The following GDAP1 variants were observed in gnomAD, a reference collection of about 807,000 sequenced individuals.
GDAP1 encodes ganglioside induced differentiation associated protein 1, also known as ganglioside-induced differentiation-associated protein 1.
A neutral mutation model predicts 40.1 loss-of-function variants in GDAP1; 34 were observed. That is an observed-to-expected ratio of 0.85 (90% confidence interval 0.64 to 1.13). GDAP1 has a LOEUF of 1.13. Among genes scored for constraint, GDAP1 ranks in the 50% most tolerant of loss-of-function variants. The pLI, the probability that GDAP1 is intolerant of heterozygous loss-of-function variation, is 0.00. For synonymous variants in GDAP1, 170 were observed against 157.4 expected (o/e 1.08, Z -0.60); for missense variants, 374 against 433.7 (o/e 0.86, Z 1.22).
chr8:74,451,293 T>C lies in GDAP1; in HGVS notation c.166-37385T>C, dbSNP rs2131576834. 2.5e-5 allele frequency among the ~76,000 whole-genome samples: 2 copies of C among 80,978 alleles called. 1 individual carries two copies. Among genetic ancestry groups the C allele is most frequent in the Admixed American group, 2.5e-4 (2 of 7,980 alleles). The allele number at this position is 80,978 out of a possible 152,430, so 53.1% of individuals were successfully genotyped here. A position where few individuals can be genotyped will look rare whatever the true frequency, so the allele number is the denominator to read the frequency against. On this transcript the variant is annotated intron_variant, in intron 2 of 2. Coordinates refer to the GDAP1 transcript ENST00000523640. The stretch of plus-strand genomic sequence containing the variant: ...GGTGAAACCCTGTCTCTACTAAACA[T>C]ACAAAAATTAGCCGGGCATGGTGAT...
chr8:74,415,987 GC>G (rs1805773046), intron 2 of GDAP1, among the ~76,000 whole-genome samples: 2 of 149,896 alleles, frequency 1.3e-5, no homozygotes, highest in South Asian at 4.1e-4. Flanking sequence ...TGGCTGGAAA[GC>G]AGTGGTTTCT....
intron 2 of GDAP1, among the ~76,000 whole-genome samples, chr8:74,405,906 G>A (rs1805631319): frequency 6.7e-6 from 1 of 149,908 alleles, no homozygotes; most frequent in Non-Finnish European, 1.5e-5. Context: ...GGGAGATGTT[G>A]GGGTACGGAA....
intron 2 of GDAP1, among the ~76,000 whole-genome samples, chr8:74,440,649 T>C (rs1339473225): frequency 6.6e-6 from 1 of 152,006 alleles, no homozygotes; most frequent in Non-Finnish European, 1.5e-5. Flanking sequence ...TGTAAAACTA[T>C]GTTTGTTACA....
chr8:74,360,043 T>C, intron 2 of GDAP1, 94 bp from the exon 3 acceptor site: 1 of 850,926 alleles, frequency 1.2e-6, no homozygotes, highest in South Asian at 1.4e-5. Flanking sequence ...ATGTTGAAAA[T>C]GTTAATGATG....
intron 2 of GDAP1, among the ~76,000 whole-genome samples, chr8:74,404,979 T>C (rs886524254): frequency 2.0e-5 from 3 of 150,072 alleles, no homozygotes; most frequent in Non-Finnish European, 2.9e-5. Context: ...TAATACCTAA[T>C]ACAATGTAAA....
intron 2 of GDAP1, among the ~76,000 whole-genome samples, chr8:74,427,806 T>C (rs1176592190): frequency 6.6e-6 from 1 of 152,228 alleles, no homozygotes; most frequent in Non-Finnish European, 1.5e-5. Context: ...TGTACTTTTC[T>C]CTCCACAATC....
intron 2 of GDAP1, among the ~76,000 whole-genome samples, chr8:74,387,650 G>A (rs769847712): frequency 5.3e-5 from 8 of 152,146 alleles, no homozygotes; most frequent in South Asian, 4.1e-4. Flanking sequence ...TTCTTTTTTC[G>A]TTGTGTCTCT....
intron 2 of GDAP1, among the ~76,000 whole-genome samples, chr8:74,394,809 G>A (rs547799171): frequency 6.6e-6 from 1 of 152,236 alleles, no homozygotes; most frequent in African/African-American, 2.4e-5. Flanking sequence ...AAGAAACAGG[G>A]ACCTGGAAAT....
Position 74,361,827 on chromosome 8 carries a change from T to A in GDAP1, c.485-57T>A, listed in dbSNP as rs116975351. 9,313 of 944,036 alleles carry A rather than the reference T, an allele frequency of 9.9e-3. 64 individuals carry two copies. Among genetic ancestry groups the A allele is most frequent in the Middle Eastern group, 0.013 (62 of 4,798 alleles). The allele number at this position is 944,036 out of a possible 1,614,324, so 58.5% of individuals were successfully genotyped here. A position where few individuals can be genotyped will look rare whatever the true frequency, so the allele number is the denominator to read the frequency against. On this transcript the variant is annotated intron_variant, in intron 3 of 5. Coordinates refer to ENST00000220822, the MANE Select transcript of GDAP1 (RefSeq NM_018972.4). ...CATTGAGTTTCTCTGCTTCTCCTTG[T>A]TACTGGTGTAGAAGGGAGAAAATAA...
intron 2 of GDAP1, among the ~76,000 whole-genome samples, chr8:74,418,088 A>G (rs538238865): frequency 1.6e-4 from 24 of 152,342 alleles, no homozygotes; most frequent in African/African-American, 5.8e-4. Context: ...GGGAATCTCA[A>G]CATTTCAAAG....
At chr8:74,442,826 C>T (rs1806179055) in intron 2 of GDAP1, among the ~76,000 whole-genome samples, 1 of 152,174 alleles carries the variant, frequency 6.6e-6, no homozygotes, top group Non-Finnish European at 1.5e-5. Context: ...AATGCTTGGA[C>T]ATTTCCAGAA....
chr8:74,386,713 T>A (rs993202609), intron 2 of GDAP1, among the ~76,000 whole-genome samples: 5 of 152,222 alleles, frequency 3.3e-5, no homozygotes, highest in Non-Finnish European at 7.4e-5. Context: ...TTTCTCTAAT[T>A]CTGTGAAGAA....
At position 74,365,025 on chromosome 8, in the gene GDAP1, T is replaced by A. The variant is rs1251595254; in HGVS notation, c.*658T>A. The A allele has an allele frequency of 4.4e-6, 2 of 453,948 alleles. No homozygotes were observed. Among genetic ancestry groups the A allele is most frequent in the Non-Finnish European group, 4.4e-6 (1 of 226,800 alleles). 28.1% of individuals were successfully genotyped at this position (453,948 alleles called of 1,614,324 possible). A position where few individuals can be genotyped will look rare whatever the true frequency, so the allele number is the denominator to read the frequency against. ...CAAGTGGTAATGGTTCCTTACTGTT[T>A]TAGATGGTGCCTGTGAGATACCATT... On this transcript the variant is annotated 3_prime_UTR_variant, in exon 6 of 6. Transcript: ENST00000220822.
intron 2 of GDAP1, among the ~76,000 whole-genome samples, chr8:74,428,633 A>ATTTT (rs1195348725): frequency 0.23 from 9,845 of 42,774 alleles, 3,388 homozygotes; most frequent in African/African-American, 0.24. Flanking sequence ...CACCCGGCTA[A>ATTTT]TTTTTTTTTT....
chr8:74,444,015 TATCTATCTATC>T (rs763953147), intron 2 of GDAP1, among the ~76,000 whole-genome samples: 5,794 of 124,082 alleles, frequency 0.047, 125 homozygotes, highest in Admixed American at 0.1. Flanking sequence ...TCTATCTATC[TATCTATCTATC>T]ATCTATCATC....
At chr8:74,375,580 G>A (rs911891590) in intron 2 of GDAP1, among the ~76,000 whole-genome samples, 4 of 152,210 alleles carry the variant, frequency 2.6e-5, no homozygotes, top group Admixed American at 2.6e-4. Flanking sequence ...ATAAAATTCA[G>A]CACATATTCA....
At chr8:74,388,655 G>T (rs1328659031) in intron 2 of GDAP1, among the ~76,000 whole-genome samples, 1 of 152,184 alleles carries the variant, frequency 6.6e-6, no homozygotes, top group African/African-American at 2.4e-5. Flanking sequence ...TGTATATTCT[G>T]TTGATTTGAG....
chr8:74,350,535 A>C lies in GDAP1; in HGVS notation c.74A>C (p.Lys25Thr). ...GAAGGCAAGGCCGACGCGGAGGTTA[A>C]GCTCATTCTGTACCATTGGACGCAT... ...RAEGKADAEVKLILYHWTHSF... is the reference protein window; with the variant it reads ...RAEGKADAEVTLILYHWTHSF... The change falls in exon 1 of 6, where the codon AAG becomes ACG. Residue 25 changes from lysine (K) to threonine (T), a missense_variant. Lys to Thr is a moderately conservative substitution (Grantham distance 78). Transcript: ENST00000220822. 10 of 1,613,118 alleles carry C rather than the reference A, an allele frequency of 6.2e-6. No homozygotes were observed. Among genetic ancestry groups the C allele is most frequent in the Non-Finnish European group, 8.5e-6 (10 of 1,179,048 alleles).
At chr8:74,361,243 C>G (rs1231029095) in intron 3 of GDAP1, among the ~76,000 whole-genome samples, 1 of 151,998 alleles carries the variant, frequency 6.6e-6, no homozygotes, top group Non-Finnish European at 1.5e-5. Context: ...AGGCTTTTTC[C>G]TCCCTTCATA....
Sources: gnomAD v4.1 joint callset for allele counts (sites outside exome capture counted in the v4.1 genomes callset) on GRCh38, gnomAD v4.1.1 for gene constraint, MANE v1.5 for transcripts, NCBI Gene and HGNC (gene_info 2026-07-23, HGNC 2026-07-21) for gene names.